BLK: variants seen among roughly 807,000 people sequenced by gnomAD.
BLK encodes tyrosine-protein kinase Blk.
A neutral mutation model predicts 61.8 loss-of-function variants in BLK; 64 were observed. The ratio of observed to expected loss-of-function variants is 1.03; its 90% confidence interval spans 0.85 to 1.27. The LOEUF (loss-of-function observed/expected upper bound fraction) is 1.27. BLK is among the 50% of genes most tolerant of loss of function. The probability of loss-of-function intolerance (pLI) is 0.00; values close to 1 mark genes in which losing one functional copy is unlikely to be tolerated. For missense variants in BLK, 853 were observed against 660.5 expected (o/e 1.29, Z -3.19); for synonymous variants, 351 against 272.0 (o/e 1.29, Z -2.86).
At chr8:11,541,952 CTG>C (rs1175699126) in intron 1 of BLK, among the ~76,000 whole-genome samples, 4 of 152,138 alleles carry the variant, frequency 2.6e-5, no homozygotes, top group Non-Finnish European at 5.9e-5. Flanking sequence ...GTCTTTAAAA[CTG>C]TGAATTATTA....
At chr8:11,558,460 C>G (rs1801333914) in intron 10 of BLK, 1 of 361,044 alleles carries the variant, frequency 2.8e-6, no homozygotes, top group South Asian at 2.1e-5. Context: ...ACTTCCCATC[C>G]CAGGGGCCCT....
intron 8 of BLK, 171 bp from the exon 9 acceptor site, chr8:11,556,487 A>T: frequency 1.3e-6 from 1 of 764,516 alleles, no homozygotes; most frequent in East Asian, 2.7e-5. Context: ...TATAGAAGGG[A>T]CCTGGAACGC....
intron 1 of BLK, among the ~76,000 whole-genome samples, chr8:11,521,060 G>A (rs1315327189): frequency 6.6e-6 from 1 of 152,112 alleles, no homozygotes; most frequent in Non-Finnish European, 1.5e-5. Flanking sequence ...TTAAACTGGA[G>A]TAATTAATTT....
chr8:11,537,178 C>G (rs1800167185), intron 1 of BLK, among the ~76,000 whole-genome samples: 1 of 152,188 alleles, frequency 6.6e-6, no homozygotes, highest in African/African-American at 2.4e-5. Flanking sequence ...AACTCAAATT[C>G]TTTGGCCCCT....
rs145993253 is a variant in BLK, at chr8:11,543,290, A to T, written c.66A>T (p.Gln22His). The stretch of plus-strand genomic sequence containing the variant: ...CGATCAAAGAGAAGGACAAGGGCCA[A>T]TGGAGCCCCCTGAAGGTCAGCGCCC... The part of the protein sequence containing the change: ...EKPIKEKDKG[Q>H]WSPLKVSAQD... Residue 22 changes from glutamine to histidine, a missense_variant, in exon 2 of 13, where the codon CAA becomes CAT. Physicochemically the swap from Gln to His is conservative, Grantham distance 24. Coordinates refer to ENST00000259089, the MANE Select transcript of BLK (RefSeq NM_001715.3). The T allele has an allele frequency of 6.2e-7, 1 of 1,613,978 alleles. No homozygotes were observed. The highest frequency in any genetic ancestry group is 8.5e-7 in the Non-Finnish European group (1 of 1,180,032).
chr8:11,556,039 G>A (rs1801204913), intron 8 of BLK: 1 of 242,420 alleles, frequency 4.1e-6, no homozygotes, highest in Non-Finnish European at 8.1e-6. Flanking sequence ...TCCCTTACCT[G>A]GGGCTGGTCC....
intron 1 of BLK, among the ~76,000 whole-genome samples, chr8:11,494,870 C>T (rs748106088): frequency 2.6e-5 from 4 of 152,300 alleles, no homozygotes; most frequent in Admixed American, 6.5e-5. Context: ...AGAGAAGGGA[C>T]GTGGGATGTA....
chr8:11,553,247 A>C (rs1474109245), intron 6 of BLK: 1 of 203,804 alleles, frequency 4.9e-6, no homozygotes, highest in Non-Finnish European at 1.0e-5. Flanking sequence ...CTCAAGCCTC[A>C]GTTTACTGGT....
intron 1 of BLK, among the ~76,000 whole-genome samples, chr8:11,502,822 C>G (rs1798616970): frequency 6.6e-6 from 1 of 152,084 alleles, no homozygotes. Flanking sequence ...CCGAGCCTGA[C>G]AGCGGAGGCC....
At chr8:11,553,937 G>C (rs923581357) in intron 6 of BLK, among the ~76,000 whole-genome samples, 3 of 152,138 alleles carry the variant, frequency 2.0e-5, no homozygotes. Context: ...CCCTGGCGGG[G>C]AGGCGTGGTA....
At chr8:11,506,972 C>G (rs867039484) in intron 1 of BLK, among the ~76,000 whole-genome samples, 3 of 152,186 alleles carry the variant, frequency 2.0e-5, no homozygotes, top group Admixed American at 6.5e-5. Flanking sequence ...TTTCCTGTGA[C>G]AATGGGTGCA....
chr8:11,545,512 G>A (rs1411962883), intron 2 of BLK, among the ~76,000 whole-genome samples: 1 of 152,158 alleles, frequency 6.6e-6, no homozygotes, highest in African/African-American at 2.4e-5. Flanking sequence ...TTACGCCACT[G>A]CACTCCAGCC....
At chr8:11,515,862 C>A (rs1799204125) in intron 1 of BLK, among the ~76,000 whole-genome samples, 1 of 152,192 alleles carries the variant, frequency 6.6e-6, no homozygotes, top group African/African-American at 2.4e-5. Flanking sequence ...ATCAAGTGGG[C>A]TCCTGCTGGC....
intron 1 of BLK, among the ~76,000 whole-genome samples, chr8:11,524,018 G>T (rs1799554443): frequency 6.6e-6 from 1 of 151,946 alleles, no homozygotes; most frequent in Non-Finnish European, 1.5e-5. Flanking sequence ...TGGAAACATA[G>T]CTTAAAAATA....
intron 1 of BLK, among the ~76,000 whole-genome samples, chr8:11,538,113 TACAC>T (rs1299865165): frequency 2.6e-5 from 4 of 152,072 alleles, no homozygotes; most frequent in Non-Finnish European, 5.9e-5. Flanking sequence ...TTCAAGCACA[TACAC>T]ACATGTGTAT....
At chr8:11,525,807 T>C (rs989553163) in intron 1 of BLK, among the ~76,000 whole-genome samples, 1 of 152,150 alleles carries the variant, frequency 6.6e-6, no homozygotes, top group African/African-American at 2.4e-5. Flanking sequence ...TGCAGTGGCA[T>C]GATCTCGGCT....
At chr8:11,504,416 A>AAAAGAAAAGAAAAG (rs1563420844) in intron 1 of BLK, among the ~76,000 whole-genome samples, 47 of 130,344 alleles carry the variant, frequency 3.6e-4, no homozygotes, top group African/African-American at 1.6e-3. Flanking sequence ...GAAAAGAAAA[A>AAAAGAAAAGAAAAG]AAAAAGAAAA....
intron 1 of BLK, among the ~76,000 whole-genome samples, chr8:11,523,917 A>G (rs907271165): frequency 4.6e-5 from 7 of 152,144 alleles, no homozygotes; most frequent in Non-Finnish European, 1.0e-4. Flanking sequence ...GTGAGAATGT[A>G]AACCAGTCTT....
chr8:11,559,795 C>T (rs1159382240), intron 10 of BLK: 2 of 456,068 alleles, frequency 4.4e-6, no homozygotes, highest in Admixed American at 4.7e-5. Flanking sequence ...TGGCAGAATC[C>T]TTATCATCAT....
Sources: allele counts gnomAD v4.1 joint callset (sites outside exome capture counted in the v4.1 genomes callset), GRCh38; gene constraint gnomAD v4.1.1; transcripts MANE v1.5; gene names NCBI Gene and HGNC (gene_info 2026-07-23, HGNC 2026-07-21).